GRIA2: variants seen among roughly 807,000 people sequenced by gnomAD.
The protein encoded by GRIA2 is glutamate ionotropic receptor AMPA type subunit 2.
Under a neutral mutation model 97.3 loss-of-function variants are expected in GRIA2, and 14 were observed. That is an observed-to-expected ratio of 0.14 (90% CI 0.10 to 0.23). The LOEUF (loss-of-function observed/expected upper bound fraction) is 0.23, where lower values mean the gene tolerates loss of function less well. GRIA2 is among the 10% of genes least tolerant of loss of function. The pLI is 1.00. For missense variants in GRIA2, 558 were observed against 1,069.8 expected, an observed-to-expected ratio of 0.52 and a Z score of 6.67; for synonymous variants, 412 against 387.8, an observed-to-expected ratio of 1.06 and a Z score of -0.73.
At chr4:157,222,000 G>A (rs1579281717) in intron 2 of GRIA2, among the ~76,000 whole-genome samples, 193 bp downstream of exon 2, 1 of 152,184 alleles carries the variant, frequency 6.6e-6, no homozygotes, top group East Asian at 1.9e-4. Flanking sequence ...CCCGCTGGCT[G>A]GAGAGGGCTG....
At chr4:157,300,842 A>G (rs1733581495) in intron 2 of GRIA2, among the ~76,000 whole-genome samples, 1 of 152,120 alleles carries the variant, frequency 6.6e-6, no homozygotes, top group Non-Finnish European at 1.5e-5. Context: ...GTGTTTCCAG[A>G]TGGCCGCAAT....
chr4:157,333,980 C>T (rs1186387542), intron 8 of GRIA2, 30 bp from the exon 9 acceptor site: 1 of 989,488 alleles, frequency 1.0e-6, no homozygotes, highest in East Asian at 2.4e-5. Context: ...GTCATTTATC[C>T]ATACACCTGT....
chr4:157,362,359 A>G lies in GRIA2; in HGVS notation c.2407-440A>G, dbSNP rs993216889. 16 of 456,332 alleles carry G rather than the reference A, an allele frequency of 3.5e-5. No homozygotes were observed. In the East Asian group the frequency reaches 9.7e-4, roughly 28 times the overall value. 28.3% of individuals were successfully genotyped at this position (456,332 alleles called of 1,614,324 possible). A position where few individuals can be genotyped will look rare whatever the true frequency, so the allele number is the denominator to read the frequency against. ...TTTATGACTCTACTAAGCCAGTAAC[A>G]TGGTCAACATTTAAAACTTGCTTCT... On this transcript the variant is annotated intron_variant, in intron 14 of 15. Transcript: ENST00000264426.
At chr4:157,326,766 A>AT (rs1734820445) in intron 6 of GRIA2, among the ~76,000 whole-genome samples, 1 of 152,234 alleles carries the variant, frequency 6.6e-6, no homozygotes, top group African/African-American at 2.4e-5. Flanking sequence ...ATCATACTTT[A>AT]GAACTGTGTA....
intron 12 of GRIA2, among the ~76,000 whole-genome samples, chr4:157,346,553 A>G (rs1735773473): frequency 6.6e-6 from 1 of 152,100 alleles, no homozygotes; most frequent in Non-Finnish European, 1.5e-5. Context: ...GAGTGTAGCC[A>G]TTTGTGTCTC....
intron 11 of GRIA2, among the ~76,000 whole-genome samples, chr4:157,338,972 A>G (rs1735426378): frequency 6.6e-6 from 1 of 152,014 alleles, no homozygotes; most frequent in South Asian, 2.1e-4. Context: ...AAAAATTATG[A>G]TTCTTTTCCA....
intron 12 of GRIA2, among the ~76,000 whole-genome samples, chr4:157,356,079 T>TTATATATG (rs1736339862): frequency 5.9e-5 from 3 of 50,700 alleles, no homozygotes; most frequent in Non-Finnish European, 1.7e-4. Context: ...TTATATTTAT[T>TTATATATG]TATTTATATA....
rs983329029 is a variant in GRIA2 at position 157,363,939 on chromosome 4, G to A, written c.*508G>A. 5.6e-6 allele frequency: 1 copy of A among 178,612 alleles called. No homozygotes were observed. The highest frequency in any genetic ancestry group is 1.2e-5 in the Non-Finnish European group (1 of 85,776). The allele number at this position is 178,612 out of a possible 1,614,324, so 11.1% of individuals were successfully genotyped here. A position where few individuals can be genotyped will look rare whatever the true frequency, so the allele number is the denominator to read the frequency against. On this transcript the variant is annotated 3_prime_UTR_variant, in exon 16 of 16. Transcript: ENST00000264426. ...CTTGACATCAACTGCATCAAGATGT[G>A]ACATGTTTTATAAAAAAAGGAAAAA...
chr4:157,259,643 C>T (rs535892586), intron 2 of GRIA2, among the ~76,000 whole-genome samples: 15 of 152,170 alleles, frequency 9.9e-5, no homozygotes, highest in African/African-American at 2.2e-4. Flanking sequence ...TCTTTACTTT[C>T]GTTCTATATA....
chr4:157,251,296 C>T lies in GRIA2; in HGVS notation c.229+29489C>T, dbSNP rs534177661. ...CCCCACATCCTATTACATAAATACA[C>T]TTTAACAAATATTTTTCTGACAGGG... On this transcript the variant is annotated intron_variant, in intron 2 of 15. Coordinates refer to ENST00000264426, the MANE Select transcript of GRIA2 (RefSeq NM_001083619.3). Among the ~76,000 whole-genome samples the T allele has an allele frequency of 2.6e-4, 39 of 152,150 alleles. 1 individual carries two copies. The South Asian group carries it at 7.5e-3, about 29-fold the overall frequency.
Position 157,366,009 on chromosome 4 carries a change from G to A in GRIA2, c.*2578G>A, listed in dbSNP as rs1030493222. 3 of 151,246 alleles carry A rather than the reference G, an allele frequency of 2.0e-5. No homozygotes were observed. Among genetic ancestry groups the A allele is most frequent in the Non-Finnish European group, 4.4e-5 (3 of 67,502 alleles). 9.4% of individuals were successfully genotyped at this position (151,246 alleles called of 1,614,324 possible). A position where few individuals can be genotyped will look rare whatever the true frequency, so the allele number is the denominator to read the frequency against. On this transcript the variant is annotated 3_prime_UTR_variant, in exon 16 of 16. Transcript: ENST00000264426. ...CGATTTTATTTTTAAATCTAACATC[G>A]GATGGCTTTTCCGGAGTGTTGTAAA...
Position 157,267,104 on chromosome 4 carries a change from G to A in GRIA2, c.230-36448G>A, listed in dbSNP as rs180901963. On this transcript the variant is annotated intron_variant, in intron 2 of 15. Coordinates refer to ENST00000264426, the MANE Select transcript of GRIA2 (RefSeq NM_001083619.3). ...AAGAAAGGAAATTTTGAGAATCTAG[G>A]AAAAAAAGGATGCTAGCTTTGTGTT... Among the ~76,000 whole-genome samples, 150 of 151,520 alleles carry A rather than the reference G, an allele frequency of 9.9e-4. 2 individuals are homozygous for A. The highest frequency in any genetic ancestry group is 7.9e-3 in the South Asian group (38 of 4,808).
At chr4:157,338,331 G>C (rs945275141) in intron 11 of GRIA2, among the ~76,000 whole-genome samples, 1 of 151,866 alleles carries the variant, frequency 6.6e-6, no homozygotes, top group Admixed American at 6.6e-5. Context: ...AGGGAGAAGT[G>C]TATGTGGGTT....
chr4:157,244,552 T>A (rs1049325916), intron 2 of GRIA2, among the ~76,000 whole-genome samples: 1 of 152,062 alleles, frequency 6.6e-6, no homozygotes, highest in African/African-American at 2.4e-5. Context: ...AGCAATTTGT[T>A]CAGAGTGAAC....
At chr4:157,232,507 A>G (rs1730063742) in intron 2 of GRIA2, among the ~76,000 whole-genome samples, 2 of 152,154 alleles carry the variant, frequency 1.3e-5, no homozygotes, top group South Asian at 4.1e-4. Flanking sequence ...AAGCACTTTC[A>G]TCATTTATCA....
chr4:157,229,228 G>T (rs761704564), intron 2 of GRIA2, among the ~76,000 whole-genome samples: 15 of 151,630 alleles, frequency 9.9e-5, no homozygotes, highest in East Asian at 3.9e-4. Context: ...TTCTTTTTAG[G>T]GCCTGCAGTT....
At chr4:157,331,105 T>C (rs773897727) in intron 6 of GRIA2, among the ~76,000 whole-genome samples, 1 of 151,950 alleles carries the variant, frequency 6.6e-6, no homozygotes, top group Non-Finnish European at 1.5e-5. Context: ...CAACCCAGAA[T>C]TGTGTTTCTA....
chr4:157,338,008 GTATATATA>G (rs70958818), intron 11 of GRIA2, among the ~76,000 whole-genome samples: 6,114 of 79,214 alleles, frequency 0.077, 255 homozygotes, highest in East Asian at 0.14. Context: ...ATATATATGT[GTATATATA>G]TATATATATA....
At chr4:157,272,853 T>C (rs1732096673) in intron 2 of GRIA2, among the ~76,000 whole-genome samples, 1 of 152,014 alleles carries the variant, frequency 6.6e-6, no homozygotes. Flanking sequence ...GAAAGGCACA[T>C]GTGAAGTTCA....
Sources: allele counts gnomAD v4.1 joint callset (sites outside exome capture counted in the v4.1 genomes callset), GRCh38; gene constraint gnomAD v4.1.1; transcripts MANE v1.5; gene names NCBI Gene and HGNC (gene_info 2026-07-23, HGNC 2026-07-21).